CSMD1: variants seen among roughly 807,000 people sequenced by gnomAD.
CSMD1 encodes the protein CUB and Sushi multiple domains 1, also known as CUB and sushi domain-containing protein 1.
Under a neutral mutation model 417.5 loss-of-function variants are expected in CSMD1, and 213 were observed. That is an observed-to-expected ratio of 0.51 (90% CI 0.46 to 0.57). The LOEUF (loss-of-function observed/expected upper bound fraction) is 0.57, where lower values mean the gene tolerates loss of function less well. Ranked by LOEUF, CSMD1 falls within the 20% of genes least tolerant of loss-of-function variation. CSMD1 has a pLI of 0.00. For missense variants in CSMD1, 6,923 were observed against 4,529.7 expected, an observed-to-expected ratio of 1.53 and a Z score of -15.17; for synonymous variants, 2,862 against 1,736.8, an observed-to-expected ratio of 1.65 and a Z score of -16.11.
intron 23 of CSMD1, among the ~76,000 whole-genome samples, chr8:3,328,350 T>C (rs1806672899): frequency 6.6e-6 from 1 of 152,196 alleles, no homozygotes; most frequent in Non-Finnish European, 1.5e-5. Flanking sequence ...CTGCTTCCTC[T>C]CTCAATATCA....
intron 2 of CSMD1, among the ~76,000 whole-genome samples, chr8:4,421,261 AAC>A: frequency 6.6e-6 from 1 of 152,324 alleles, no homozygotes. Flanking sequence ...AAAAACAAAA[AAC>A]AGTGAGTTTA....
chr8:3,302,895 G>T (rs1050172337), intron 25 of CSMD1, among the ~76,000 whole-genome samples: 3 of 152,126 alleles, frequency 2.0e-5, no homozygotes, highest in Admixed American at 2.0e-4. Flanking sequence ...AAGTGAGTGG[G>T]GTTGCAGGTT....
chr8:3,390,181 C>T (rs1338408751), intron 17 of CSMD1, among the ~76,000 whole-genome samples: 1 of 151,650 alleles, frequency 6.6e-6, no homozygotes, highest in African/African-American at 2.4e-5. Flanking sequence ...CTGATGAAAA[C>T]CTGTCTCTGC....
At chr8:3,825,591 G>T (rs867374683) in intron 5 of CSMD1, among the ~76,000 whole-genome samples, 15 of 152,228 alleles carry the variant, frequency 9.9e-5, no homozygotes, top group South Asian at 4.1e-4. Context: ...AAGAGTGGGG[G>T]AAGGGATTAA....
intron 23 of CSMD1, among the ~76,000 whole-genome samples, chr8:3,329,455 T>C (rs1439576562): frequency 1.3e-5 from 2 of 152,082 alleles, no homozygotes; most frequent in East Asian, 3.9e-4. Context: ...GGGGAGCATA[T>C]ATGATGAACG....
At chr8:4,979,376 A>G (rs180762050) in intron 1 of CSMD1, among the ~76,000 whole-genome samples, 22 of 152,340 alleles carry the variant, frequency 1.4e-4, no homozygotes, top group Admixed American at 5.9e-4. Flanking sequence ...CCAAGTGTCA[A>G]GAAGTTTAAC....
intron 5 of CSMD1, among the ~76,000 whole-genome samples, chr8:3,842,275 C>T (rs1027578901): frequency 6.6e-6 from 1 of 152,108 alleles, no homozygotes; most frequent in Non-Finnish European, 1.5e-5. Flanking sequence ...TCCCAATCTT[C>T]TTATGAGGTT....
chr8:3,288,681 C>T (rs923423435), intron 25 of CSMD1, among the ~76,000 whole-genome samples: 9 of 146,180 alleles, frequency 6.2e-5, no homozygotes, highest in South Asian at 2.1e-4. Context: ...CTATTTGATT[C>T]TTCTCTCTTT....
At chr8:4,914,532 C>T (rs528512220) in intron 1 of CSMD1, among the ~76,000 whole-genome samples, 1 of 147,962 alleles carries the variant, frequency 6.8e-6, no homozygotes, top group African/African-American at 2.5e-5. Context: ...GAGCTGAGAT[C>T]GCGCCACTGC....
At chr8:3,565,191 TAGATAGACAGATAGATAGATAGAG>T (rs1451718247) in intron 10 of CSMD1, among the ~76,000 whole-genome samples, 1 of 45,994 alleles carries the variant, frequency 2.2e-5, no homozygotes, top group East Asian at 6.2e-4. Context: ...GAAAGATACA[TAGATAGACAGATAGATAGATAGAG>T]AGATAGACAG....
intron 25 of CSMD1, among the ~76,000 whole-genome samples, chr8:3,285,964 C>G (rs1335038611): frequency 6.6e-6 from 1 of 152,062 alleles, no homozygotes; most frequent in Non-Finnish European, 1.5e-5. Flanking sequence ...GATAAATTTC[C>G]TAATGCTATC....
At chr8:3,860,329 A>C (rs1488439385) in intron 5 of CSMD1, among the ~76,000 whole-genome samples, 1 of 152,184 alleles carries the variant, frequency 6.6e-6, no homozygotes, top group African/African-American at 2.4e-5. Context: ...ATTTCAACAC[A>C]GCCAGCAAGT....
intron 7 of CSMD1, among the ~76,000 whole-genome samples, chr8:3,647,996 C>G (rs1185055723): frequency 6.6e-6 from 1 of 152,330 alleles, no homozygotes; most frequent in African/African-American, 2.4e-5. Context: ...TTCGAGGAGG[C>G]AGAACAGATT....
intron 12 of CSMD1, among the ~76,000 whole-genome samples, chr8:3,447,169 G>C (rs537953895): frequency 1.3e-5 from 2 of 152,270 alleles, no homozygotes; most frequent in South Asian, 4.1e-4. Context: ...CTGATGAAAA[G>C]ATGAAAAGAA....
At chr8:3,084,292 G>A (rs1031369051) in intron 49 of CSMD1, among the ~76,000 whole-genome samples, 2 of 152,100 alleles carry the variant, frequency 1.3e-5, no homozygotes, top group African/African-American at 4.8e-5. Flanking sequence ...GGGAGGCTGA[G>A]GCAGGAGGAT....
intron 18 of CSMD1, among the ~76,000 whole-genome samples, chr8:3,387,174 G>A (rs1811053999): frequency 6.6e-6 from 1 of 152,178 alleles, no homozygotes; most frequent in African/African-American, 2.4e-5. Context: ...GACATCCTAG[G>A]ATATGTGTGG....
intron 2 of CSMD1, among the ~76,000 whole-genome samples, chr8:4,551,116 G>C (rs1473840007): frequency 2.6e-5 from 4 of 152,144 alleles, no homozygotes; most frequent in African/African-American, 7.2e-5. Flanking sequence ...ATTACCTAAA[G>C]AGACACTGAC....
chr8:3,164,536 C>G (rs1268489084), intron 37 of CSMD1, among the ~76,000 whole-genome samples: 1 of 152,094 alleles, frequency 6.6e-6, no homozygotes, highest in Admixed American at 6.5e-5. Flanking sequence ...ACATTTAAAT[C>G]CCATCTTTTC....
At chr8:3,314,839 T>G (rs966775023) in intron 23 of CSMD1, among the ~76,000 whole-genome samples, 5 of 152,230 alleles carry the variant, frequency 3.3e-5, no homozygotes, top group Non-Finnish European at 7.3e-5. Context: ...AAAGCACTTG[T>G]GTTTCAAGAG....
Sources: gnomAD v4.1 joint callset for allele counts (sites outside exome capture counted in the v4.1 genomes callset) on GRCh38, gnomAD v4.1.1 for gene constraint, MANE v1.5 for transcripts, NCBI Gene and HGNC (gene_info 2026-07-23, HGNC 2026-07-21) for gene names.